CENPW: variants seen among roughly 807,000 people sequenced by gnomAD.
The protein encoded by CENPW is centromere protein W, also known as cancer-up-regulated gene 2 protein.
In CENPW, 3 loss-of-function variants were observed where a neutral mutation model predicts 11.1. That is an observed-to-expected ratio of 0.27 (90% CI 0.12 to 0.70). CENPW has a LOEUF of 0.70. CENPW is among the 30% of genes least tolerant of loss of function. The pLI is 0.77. For missense variants in CENPW, 100 were observed against 105.6 expected, an observed-to-expected ratio of 0.95 and a Z score of 0.23; for synonymous variants, 38 against 42.0, an observed-to-expected ratio of 0.91 and a Z score of 0.37.
At chr6:126,358,712 C>A in the CENPW span, among the ~76,000 whole-genome samples, 1 of 152,110 alleles carries the variant, frequency 6.6e-6, no homozygotes, top group African/African-American at 2.4e-5. Context: ...CAGACTGATG[C>A]TGGCTTCATT....
At chr6:126,440,875 T>G in the CENPW span, among the ~76,000 whole-genome samples, 3 of 151,338 alleles carry the variant, frequency 2.0e-5, no homozygotes, top group Non-Finnish European at 3.0e-5. Context: ...GGGTCAGAAG[T>G]GTTAGCTATG....
chr6:126,423,699 G>A, the CENPW span, among the ~76,000 whole-genome samples: 1 of 151,848 alleles, frequency 6.6e-6, no homozygotes, highest in Non-Finnish European at 1.5e-5. Context: ...ATCATGGGAA[G>A]CATTCATAGA....
At chr6:126,482,686 T>G in the CENPW span, among the ~76,000 whole-genome samples, 6 of 152,048 alleles carry the variant, frequency 3.9e-5, no homozygotes, top group Non-Finnish European at 4.4e-5. Context: ...ATTTCTGAAC[T>G]CTCTAATTTG....
chr6:126,449,535 C>T, the CENPW span, among the ~76,000 whole-genome samples: 3 of 151,018 alleles, frequency 2.0e-5, no homozygotes, highest in Non-Finnish European at 3.0e-5. Flanking sequence ...ACTCAGAGCT[C>T]AAATCTTAAG....
the CENPW span, among the ~76,000 whole-genome samples, chr6:126,470,291 T>C: frequency 4.6e-5 from 7 of 152,160 alleles, no homozygotes; most frequent in African/African-American, 1.7e-4. Flanking sequence ...AAGAGGCAAA[T>C]GTACATCTCA....
At chr6:126,386,755 G>A in the CENPW span, among the ~76,000 whole-genome samples, 1 of 151,848 alleles carries the variant, frequency 6.6e-6, no homozygotes, top group East Asian at 1.9e-4. Context: ...TAGGCACTAG[G>A]GGCACAAAGA....
chr6:126,424,286 G>A, the CENPW span, among the ~76,000 whole-genome samples: 1 of 152,202 alleles, frequency 6.6e-6, no homozygotes, highest in East Asian at 1.9e-4. Flanking sequence ...AGAGGCAAGA[G>A]GCTGAGTTAG....
At chr6:126,432,066 CAAAAAA>C in the CENPW span, among the ~76,000 whole-genome samples, 2 of 36,562 alleles carry the variant, frequency 5.5e-5, no homozygotes, top group African/African-American at 9.2e-5. Flanking sequence ...CTCCATCTCA[CAAAAAA>C]AAAAAAAAAA....
At chr6:126,414,461 C>T in the CENPW span, among the ~76,000 whole-genome samples, 87 of 152,108 alleles carry the variant, frequency 5.7e-4, no homozygotes, top group East Asian at 3.1e-3. Context: ...TATCTTTTCT[C>T]GTATCAGTGA....
chr6:126,460,619 C>T, the CENPW span, among the ~76,000 whole-genome samples: 3 of 151,578 alleles, frequency 2.0e-5, no homozygotes, highest in Non-Finnish European at 4.4e-5. Flanking sequence ...CTAGTGTTAA[C>T]GAAAACCAGA....
At chr6:126,382,498 T>C in the CENPW span, among the ~76,000 whole-genome samples, 5 of 151,996 alleles carry the variant, frequency 3.3e-5, no homozygotes, top group Admixed American at 6.6e-5. Context: ...ACAAAGATCA[T>C]TGAAACTTAG....
chr6:126,359,897 A>G, the CENPW span, among the ~76,000 whole-genome samples: 2 of 151,650 alleles, frequency 1.3e-5, no homozygotes, highest in Non-Finnish European at 2.9e-5. Context: ...TTGCAACTCT[A>G]CCTTTTAAGT....
chr6:126,346,437 C>T, intron 2 of CENPW, 119 bp downstream of exon 2: 1 of 507,442 alleles, frequency 2.0e-6, no homozygotes. Context: ...GATATTTGGC[C>T]TTTTATGAAT....
At chr6:126,394,213 A>G in the CENPW span, among the ~76,000 whole-genome samples, 1 of 149,278 alleles carries the variant, frequency 6.7e-6, no homozygotes, top group Non-Finnish European at 1.5e-5. Context: ...TCCTTCTTTT[A>G]TTTTTTTTCT....
downstream of CENPW, among the ~76,000 whole-genome samples, chr6:126,350,611 C>T (rs1027233241): frequency 3.9e-5 from 6 of 152,156 alleles, no homozygotes; most frequent in East Asian, 9.7e-4. Flanking sequence ...AACATATTTT[C>T]GTGTGCTTAT....
the CENPW span, among the ~76,000 whole-genome samples, chr6:126,439,555 T>G: frequency 6.6e-6 from 1 of 151,622 alleles, no homozygotes; most frequent in Non-Finnish European, 1.5e-5. Flanking sequence ...TATTATTTCT[T>G]TATTATATTG....
At chr6:126,463,297 A>G in the CENPW span, among the ~76,000 whole-genome samples, 8 of 152,062 alleles carry the variant, frequency 5.3e-5, no homozygotes, top group African/African-American at 1.9e-4. Context: ...TATGAAAAAT[A>G]TAAGTATCTT....
the CENPW span, among the ~76,000 whole-genome samples, chr6:126,357,278 A>G: frequency 1.3e-5 from 2 of 152,068 alleles, no homozygotes; most frequent in South Asian, 4.1e-4. Flanking sequence ...ATTCTGTTCC[A>G]TTGGTCTATG....
chr6:126,425,577 AT>A, the CENPW span, among the ~76,000 whole-genome samples: 16 of 151,466 alleles, frequency 1.1e-4, no homozygotes, highest in African/African-American at 2.9e-4. Context: ...TTGTAATGGT[AT>A]TTTTTTTTCC....
Sources: allele counts gnomAD v4.1 joint callset (sites outside exome capture counted in the v4.1 genomes callset), GRCh38; gene constraint gnomAD v4.1.1; transcripts MANE v1.5; gene names NCBI Gene and HGNC (gene_info 2026-07-23, HGNC 2026-07-21).